The following EYA4 variants were observed in gnomAD, a reference collection of about 807,000 sequenced individuals.
The protein encoded by EYA4 is EYA transcriptional coactivator and phosphatase 4, also known as protein phosphatase EYA4.
Under a neutral mutation model 87.9 loss-of-function variants are expected in EYA4, and 31 were observed. That is an observed-to-expected ratio of 0.35 (90% CI 0.27 to 0.48). The LOEUF is 0.48. EYA4 is among the 20% of genes least tolerant of loss of function. EYA4 has a pLI of 0.99. For missense variants in EYA4, 678 were observed against 761.4 expected, an observed-to-expected ratio of 0.89 and a Z score of 1.29; for synonymous variants, 263 against 270.6, an observed-to-expected ratio of 0.97 and a Z score of 0.28.
chr6:133,428,776 AC>A (rs974736061), intron 3 of EYA4, among the ~76,000 whole-genome samples: 7 of 151,988 alleles, frequency 4.6e-5, no homozygotes, highest in African/African-American at 1.7e-4. Flanking sequence ...AGAGGAACTT[AC>A]CCCCAAGTCT....
At chr6:133,293,985 C>CATAT (rs10646344) in intron 2 of EYA4, among the ~76,000 whole-genome samples, 14 of 117,450 alleles carry the variant, frequency 1.2e-4, no homozygotes, top group African/African-American at 3.3e-4. Flanking sequence ...ATATATATTA[C>CATAT]ATATATATAT....
chr6:133,505,717 A>T (rs1228694916), intron 13 of EYA4, among the ~76,000 whole-genome samples: 2 of 152,174 alleles, frequency 1.3e-5, no homozygotes, highest in Non-Finnish European at 2.9e-5. Flanking sequence ...TCTTAAAAAG[A>T]CATCCTTTCT....
intron 5 of EYA4, among the ~76,000 whole-genome samples, chr6:133,448,628 A>C (rs1454563860): frequency 1.3e-5 from 2 of 152,284 alleles, no homozygotes; most frequent in South Asian, 2.1e-4. Context: ...ACTTTGAGAA[A>C]TATTCCAAAG....
At chr6:133,403,149 T>C (rs2128519469) in intron 3 of EYA4, among the ~76,000 whole-genome samples, 1 of 151,980 alleles carries the variant, frequency 6.6e-6, no homozygotes, top group Middle Eastern at 3.4e-3. Flanking sequence ...AACATGAACA[T>C]TGTGTGGTTC....
At chr6:133,526,595 A>C (rs1328113189) in intron 19 of EYA4, among the ~76,000 whole-genome samples, 1 of 152,304 alleles carries the variant, frequency 6.6e-6, no homozygotes, top group Non-Finnish European at 1.5e-5. Context: ...TCTGCCTGCC[A>C]CAGAACACCT....
At chr6:133,416,377 C>T (rs577384730) in intron 3 of EYA4, among the ~76,000 whole-genome samples, 44 of 152,276 alleles carry the variant, frequency 2.9e-4, no homozygotes, top group African/African-American at 7.7e-4. Flanking sequence ...CAGGTGACTC[C>T]AGGAGACTGT....
chr6:133,388,503 T>C (rs142868822), intron 3 of EYA4, among the ~76,000 whole-genome samples: 1 of 152,130 alleles, frequency 6.6e-6, no homozygotes, highest in Admixed American at 6.5e-5. Context: ...CATTGGGAAC[T>C]CCTGGTAACT....
intron 2 of EYA4, among the ~76,000 whole-genome samples, chr6:133,312,145 G>GA (rs1299035300): frequency 3.9e-5 from 6 of 152,078 alleles, no homozygotes; most frequent in Admixed American, 3.9e-4. Context: ...TTTTCTAGAG[G>GA]AAAAATCTGC....
chr6:133,285,248 G>A (rs1777957323), intron 2 of EYA4, among the ~76,000 whole-genome samples: 1 of 152,060 alleles, frequency 6.6e-6, no homozygotes, highest in Non-Finnish European at 1.5e-5. Context: ...TGCCTGCCTC[G>A]GCCTCCCAAG....
At chr6:133,462,802 A>G in intron 9 of EYA4, 38 bp downstream of exon 9, 1 of 1,599,582 alleles carries the variant, frequency 6.3e-7, no homozygotes, top group East Asian at 2.2e-5. Context: ...TGGGAGAACT[A>G]ATTCTTTGAG....
intron 2 of EYA4, among the ~76,000 whole-genome samples, chr6:133,356,093 C>T (rs77309281): frequency 2.0e-5 from 3 of 151,708 alleles, no homozygotes; most frequent in Non-Finnish European, 2.9e-5. Flanking sequence ...AGAGTGTGCT[C>T]CTGCTTGCTA....
chr6:133,389,127 C>G (rs1352350201), intron 3 of EYA4, among the ~76,000 whole-genome samples: 1 of 152,122 alleles, frequency 6.6e-6, no homozygotes, highest in Non-Finnish European at 1.5e-5. Flanking sequence ...CAGCACTCTC[C>G]CCTTCTCTAA....
intron 2 of EYA4, among the ~76,000 whole-genome samples, chr6:133,380,878 T>C (rs9493615): frequency 7.2e-4 from 102 of 141,680 alleles, no homozygotes; most frequent in African/African-American, 2.7e-3. Flanking sequence ...CCTCCTCCTC[T>C]TCTTCTTCTT....
rs765515937 is a variant in EYA4, at chr6:133,462,641, G to A, written c.601G>A (p.Ala201Thr). ...PTYDLGVMLP[A>T]IKTESGLSQT... ...AACAGATTTGGGTGTGATGTTGCCA[G>A]CCATCAAGACAGAGAGTGGACTTTC... Residue 201 changes from alanine to threonine, a missense_variant, in exon 9 of 20, where the codon GCC becomes ACC. Physicochemically the swap from Ala to Thr is moderately conservative, Grantham distance 58. Coordinates refer to ENST00000355286, the MANE Select transcript of EYA4 (RefSeq NM_004100.5). 7 of 1,614,032 alleles carry A rather than the reference G, an allele frequency of 4.3e-6. No homozygotes were observed. The highest frequency in any genetic ancestry group is 5.9e-6 in the Non-Finnish European group (7 of 1,179,944).
chr6:133,484,979 C>T (rs1796565050), intron 13 of EYA4, among the ~76,000 whole-genome samples: 1 of 152,134 alleles, frequency 6.6e-6, no homozygotes, highest in African/African-American at 2.4e-5. Context: ...CATTCGGACC[C>T]AAGGCGGTGA....
chr6:133,440,370 T>C (rs1367485144), intron 3 of EYA4, among the ~76,000 whole-genome samples: 1 of 152,206 alleles, frequency 6.6e-6, no homozygotes, highest in Non-Finnish European at 1.5e-5. Flanking sequence ...TTTGCATCTT[T>C]AATAGGAAGG....
chr6:133,496,081 T>C (rs1056680489), intron 13 of EYA4, among the ~76,000 whole-genome samples: 3 of 152,210 alleles, frequency 2.0e-5, no homozygotes, highest in Non-Finnish European at 4.4e-5. Context: ...AGTTCCCTAA[T>C]GTCATCAGTA....
At chr6:133,416,776 A>G (rs1789750741) in intron 3 of EYA4, among the ~76,000 whole-genome samples, 1 of 152,126 alleles carries the variant, frequency 6.6e-6, no homozygotes, top group African/African-American at 2.4e-5. Flanking sequence ...GAAATTGCAT[A>G]TTCTCTTTGT....
At chr6:133,448,027 GA>G in intron 4 of EYA4, 83 bp from the exon 5 acceptor site, 2 of 1,091,228 alleles carry the variant, frequency 1.8e-6, no homozygotes, top group Non-Finnish European at 1.4e-6. Flanking sequence ...TAAAAGGTCA[GA>G]AACCAGTGCA....
Sources: allele counts gnomAD v4.1 joint callset (sites outside exome capture counted in the v4.1 genomes callset), GRCh38; gene constraint gnomAD v4.1.1; transcripts MANE v1.5; gene names NCBI Gene and HGNC (gene_info 2026-07-23, HGNC 2026-07-21).